The following DCC variants were observed in gnomAD, a reference collection of about 807,000 sequenced individuals.
The protein encoded by DCC is netrin receptor DCC.
DCC carries 58 observed loss-of-function variants against 172.5 expected under a neutral mutation model. That is an observed-to-expected ratio of 0.34 (90% CI 0.27 to 0.42). DCC has a LOEUF of 0.42. Ranked by LOEUF, DCC falls within the 10% of genes least tolerant of loss-of-function variation. The probability of loss-of-function intolerance (pLI) is 1.00; values close to 1 mark genes in which losing one functional copy is unlikely to be tolerated. For missense variants in DCC, 1,740 were observed against 1,791.0 expected (o/e 0.97, Z 0.51); for synonymous variants, 709 against 644.5 (o/e 1.10, Z -1.52).
chr18:53,264,862 A>T (rs2056654059), intron 12 of DCC, among the ~76,000 whole-genome samples: 1 of 152,158 alleles, frequency 6.6e-6, no homozygotes, highest in Non-Finnish European at 1.5e-5. Flanking sequence ...CCTGAAAACA[A>T]ATGTAGCTAC....
At chr18:53,333,380 C>T (rs571202034) in intron 14 of DCC, among the ~76,000 whole-genome samples, 2 of 152,280 alleles carry the variant, frequency 1.3e-5, no homozygotes, top group African/African-American at 4.8e-5. Flanking sequence ...AAAACTCTAA[C>T]AAAATGATCC....
intron 1 of DCC, among the ~76,000 whole-genome samples, chr18:52,742,260 C>G (rs773639832): frequency 5.9e-5 from 9 of 151,838 alleles, no homozygotes; most frequent in Admixed American, 5.2e-4. Context: ...ATATTCAGGT[C>G]TTTGCTCAAG....
At chr18:52,487,694 C>T (rs141433686) in intron 1 of DCC, among the ~76,000 whole-genome samples, 1 of 151,302 alleles carries the variant, frequency 6.6e-6, no homozygotes, top group East Asian at 2.0e-4. Context: ...GCCTGCAGTC[C>T]CAGCTACTGG....
intron 12 of DCC, among the ~76,000 whole-genome samples, chr18:53,250,220 A>G (rs1386030135): frequency 6.6e-6 from 1 of 152,016 alleles, no homozygotes; most frequent in Non-Finnish European, 1.5e-5. Flanking sequence ...ATAATTTCTT[A>G]AAGGTGAAAT....
chr18:52,803,100 C>T (rs34006752), intron 2 of DCC, among the ~76,000 whole-genome samples: 2,033 of 152,212 alleles, frequency 0.013, 17 homozygotes, highest in Non-Finnish European at 0.021. Flanking sequence ...TCAAACAATT[C>T]GGCCTTTTCT....
At chr18:52,968,750 C>T (rs543346517) in intron 5 of DCC, among the ~76,000 whole-genome samples, 2 of 152,146 alleles carry the variant, frequency 1.3e-5, no homozygotes, top group African/African-American at 4.8e-5. Flanking sequence ...CAGATAAATA[C>T]AAAATAATTT....
intron 2 of DCC, among the ~76,000 whole-genome samples, chr18:52,904,033 T>C (rs189057422): frequency 1.1e-4 from 16 of 152,344 alleles, no homozygotes; most frequent in Admixed American, 7.8e-4. Flanking sequence ...TGAAAAAGAA[T>C]AAAATTAGCC....
At chr18:53,247,816 A>C (rs1246098808) in intron 12 of DCC, among the ~76,000 whole-genome samples, 1 of 151,956 alleles carries the variant, frequency 6.6e-6, no homozygotes, top group Admixed American at 6.6e-5. Flanking sequence ...TTTAAAGTCT[A>C]TTGAACTTCA....
chr18:53,115,447 G>A (rs1445034685), intron 7 of DCC, among the ~76,000 whole-genome samples: 1 of 151,412 alleles, frequency 6.6e-6, no homozygotes, highest in Non-Finnish European at 1.5e-5. Context: ...GGGCAGGGTA[G>A]TATAGAAACT....
At chr18:52,828,615 C>A (rs927460408) in intron 2 of DCC, among the ~76,000 whole-genome samples, 34 of 152,020 alleles carry the variant, frequency 2.2e-4, no homozygotes, top group African/African-American at 8.2e-4. Flanking sequence ...GAAAATACTT[C>A]AGTTGTAATG....
intron 2 of DCC, among the ~76,000 whole-genome samples, chr18:52,858,654 A>T (rs1568150156): frequency 6.6e-6 from 1 of 152,318 alleles, no homozygotes; most frequent in East Asian, 1.9e-4. Context: ...CCTGTAATTA[A>T]ATAGCCATGT....
chr18:52,811,766 G>GT (rs2038205512), intron 2 of DCC, among the ~76,000 whole-genome samples: 2 of 152,138 alleles, frequency 1.3e-5, no homozygotes, highest in South Asian at 4.2e-4. Flanking sequence ...TTTAAAAAAT[G>GT]TTTTTTGCTT....
At chr18:52,979,055 T>C (rs770708821) in intron 5 of DCC, among the ~76,000 whole-genome samples, 78 of 152,228 alleles carry the variant, frequency 5.1e-4, no homozygotes, top group Non-Finnish European at 2.8e-4. Flanking sequence ...CTTTTGGAAA[T>C]GTGCTTTTTT....
At chr18:52,978,998 A>G (rs1395911544) in intron 5 of DCC, among the ~76,000 whole-genome samples, 2 of 152,150 alleles carry the variant, frequency 1.3e-5, no homozygotes, top group Non-Finnish European at 2.9e-5. Flanking sequence ...ATATCTTTGC[A>G]ATTGTGAATT....
At chr18:52,719,433 G>A (rs557138513) in intron 1 of DCC, among the ~76,000 whole-genome samples, 1 of 152,130 alleles carries the variant, frequency 6.6e-6, no homozygotes, top group Non-Finnish European at 1.5e-5. Flanking sequence ...CAGGAAGGGT[G>A]AGGGCTCCGA....
intron 1 of DCC, among the ~76,000 whole-genome samples, chr18:52,349,251 T>G (rs1428113366): frequency 6.6e-6 from 1 of 152,160 alleles, no homozygotes; most frequent in Non-Finnish European, 1.5e-5. Context: ...TGAAGACCCC[T>G]GAATGAAATA....
intron 1 of DCC, among the ~76,000 whole-genome samples, chr18:52,606,112 A>T (rs1055468966): frequency 1.3e-5 from 2 of 152,080 alleles, no homozygotes; most frequent in African/African-American, 4.8e-5. Flanking sequence ...ACCCATAGTA[A>T]ATTTTCTAGA....
chr18:53,401,188 A>T (rs892438274), intron 18 of DCC, among the ~76,000 whole-genome samples: 1 of 152,132 alleles, frequency 6.6e-6, no homozygotes, highest in Non-Finnish European at 1.5e-5. Context: ...CATATATATC[A>T]TATTATATTA....
intron 12 of DCC, among the ~76,000 whole-genome samples, chr18:53,294,962 TAAATA>T (rs1373474007): frequency 2.0e-5 from 3 of 152,204 alleles, no homozygotes; most frequent in Admixed American, 6.5e-5. Flanking sequence ...TTCAAGCTGT[TAAATA>T]AAATCACAAC....
Sources: gnomAD v4.1 joint callset for allele counts (sites outside exome capture counted in the v4.1 genomes callset) on GRCh38, gnomAD v4.1.1 for gene constraint, MANE v1.5 for transcripts, NCBI Gene and HGNC (gene_info 2026-07-23, HGNC 2026-07-21) for gene names.